Variants in BCAR1 observed in about 807,000 individuals in gnomAD.
BCAR1 encodes breast cancer anti-estrogen resistance protein 1.
BCAR1 carries 30 observed loss-of-function variants against 67.6 expected under a neutral mutation model. That is an observed-to-expected ratio of 0.44 (90% CI 0.33 to 0.60). The LOEUF (loss-of-function observed/expected upper bound fraction) is 0.60, where lower values mean the gene tolerates loss of function less well. Among genes scored for constraint, BCAR1 ranks in the 20% least tolerant of loss-of-function variants. The pLI, the probability that BCAR1 is intolerant of heterozygous loss-of-function variation, is 0.02. For missense variants in BCAR1, 1,313 were observed against 1,222.3 expected (o/e 1.07, Z -1.11); for synonymous variants, 626 against 556.7 (o/e 1.12, Z -1.75).
At chr16:75,262,694 T>C (rs1015432332) in intron 1 of BCAR1, among the ~76,000 whole-genome samples, 3 of 152,062 alleles carry the variant, frequency 2.0e-5, no homozygotes, top group African/African-American at 7.2e-5. Context: ...CACCACTGCC[T>C]GGCACAGAGC....
At chr16:75,250,985 G>A (rs1444061103) in intron 1 of BCAR1, 1 of 985,940 alleles carries the variant, frequency 1.0e-6, no homozygotes, top group Non-Finnish European at 1.2e-6. Flanking sequence ...AGCCTTCCCC[G>A]CTGGCGCCAC....
In BCAR1 at chr16:75,236,897, C is replaced by T. The variant is rs768418341; in HGVS notation, c.897G>A (p.Pro299=). ...VPPSVEKGLP[P]SNHHAVYDVP... ...ATTTGCTCACTGCGTGGTGGTTGGA[C>T]GGTGGCAGGCCCTTCTCCACACTGG... Residue 299 remains proline, a synonymous_variant, in exon 4 of 7, where the codon CCG becomes CCA. Coordinates refer to ENST00000162330, the MANE Select transcript of BCAR1 (RefSeq NM_014567.5). 52 of 1,612,462 alleles carry T rather than the reference C, an allele frequency of 3.2e-5. No individual in the cohort carries two copies. Among genetic ancestry groups the T allele is most frequent in the Middle Eastern group, 1.6e-4 (1 of 6,080 alleles).
At chr16:75,260,398 G>T (rs964665002) in intron 1 of BCAR1, among the ~76,000 whole-genome samples, 1 of 152,026 alleles carries the variant, frequency 6.6e-6, no homozygotes, top group African/African-American at 2.4e-5. Context: ...CAGCACTTCA[G>T]GAGGCGGAGG....
At chr16:75,232,975 G>A (rs2076952556) in intron 6 of BCAR1, among the ~76,000 whole-genome samples, 1 of 150,674 alleles carries the variant, frequency 6.6e-6, no homozygotes. Context: ...TCAGAATAAA[G>A]CTCCCTTAGT....
Position 75,257,942 on chromosome 16 carries a change from T to C in BCAR1, c.66+9973A>G, listed in dbSNP as rs560705022. Among the ~76,000 whole-genome samples, 28 of 152,326 alleles carry C rather than the reference T, an allele frequency of 1.8e-4. 1 individual carries two copies. Among genetic ancestry groups the C allele is most frequent in the African/African-American group, 6.3e-4 (26 of 41,576 alleles). ...AATGACTCCAACTCGCCGTGGGCCTTCAGCCAGTCACTGTACTGCTCAGGT... is the reference window on the plus strand; with the variant it reads ...AATGACTCCAACTCGCCGTGGGCCTCCAGCCAGTCACTGTACTGCTCAGGT... On this transcript the variant is annotated intron_variant, in intron 1 of 6. Transcript: ENST00000393422.
intron 2 of BCAR1, chr16:75,238,198 C>T (rs575755772): frequency 1.2e-5 from 14 of 1,213,536 alleles, no homozygotes; most frequent in African/African-American, 7.9e-5. Flanking sequence ...CAGCCTGAAG[C>T]GGGTAGGGGC....
upstream of BCAR1, chr16:75,252,516 A>G (rs1169211323): frequency 9.3e-6 from 10 of 1,077,766 alleles, no homozygotes; most frequent in Non-Finnish European, 1.3e-5. Context: ...CACCCCATGC[A>G]GCAGAACCAG....
At chr16:75,238,154 G>C in intron 2 of BCAR1, 1 of 1,279,512 alleles carries the variant, frequency 7.8e-7, no homozygotes, top group Non-Finnish European at 1.0e-6. Flanking sequence ...CAGCACAATG[G>C]CCTGCCCAGG....
chr16:75,266,781 TAG>T, intron 1 of BCAR1: 1 of 1,441,068 alleles, frequency 6.9e-7, no homozygotes, highest in South Asian at 1.4e-5. Context: ...GGTGAGCATC[TAG>T]AGCAAGTGGG....
intron 1 of BCAR1, chr16:75,265,958 G>T (rs1443965993): frequency 5.6e-6 from 6 of 1,075,594 alleles, no homozygotes; most frequent in Non-Finnish European, 6.7e-6. Flanking sequence ...TCCGGCTCCT[G>T]AGCGTTCCCG....
At chr16:75,258,674 GA>G (rs2077832488) in intron 1 of BCAR1, among the ~76,000 whole-genome samples, 1 of 152,180 alleles carries the variant, frequency 6.6e-6, no homozygotes, top group Non-Finnish European at 1.5e-5. Flanking sequence ...TCATTATGCA[GA>G]AAAAAATAAC....
chr16:75,262,287 G>A (rs1172475566), intron 1 of BCAR1, among the ~76,000 whole-genome samples: 1 of 152,242 alleles, frequency 6.6e-6, no homozygotes, highest in Admixed American at 6.5e-5. Context: ...CCAGGGGCAA[G>A]CTGCAGCCAG....
intron 1 of BCAR1, among the ~76,000 whole-genome samples, chr16:75,243,910 C>T (rs577286321): frequency 8.5e-5 from 13 of 152,328 alleles, no homozygotes; most frequent in South Asian, 6.2e-4. Flanking sequence ...AGGTGCCAGG[C>T]GCAGGATGGG....
upstream of BCAR1, chr16:75,252,298 T>G: frequency 6.5e-7 from 1 of 1,536,546 alleles, no homozygotes; most frequent in Non-Finnish European, 8.7e-7. Context: ...CTGCCTCCTC[T>G]CATTACTCAT....
intron 1 of BCAR1, chr16:75,263,465 G>A (rs1391628636): frequency 1.0e-6 from 1 of 985,178 alleles, no homozygotes; most frequent in Non-Finnish European, 1.2e-6. Flanking sequence ...TATGCCTGGA[G>A]CAGAGGAAGG....
At chr16:75,254,450 A>T (rs2077737181), upstream of BCAR1, among the ~76,000 whole-genome samples, 1 of 152,262 alleles carries the variant, frequency 6.6e-6, no homozygotes, top group Non-Finnish European at 1.5e-5. Context: ...ACTGGGTGGG[A>T]CCTCAGAGGT....
chr16:75,241,715 C>A (rs1405446099), intron 2 of BCAR1, among the ~76,000 whole-genome samples: 1 of 152,200 alleles, frequency 6.6e-6, no homozygotes, highest in Non-Finnish European at 1.5e-5. Context: ...GGGGTAACTC[C>A]CAGCTGACTC....
intron 2 of BCAR1, chr16:75,238,626 A>G: frequency 4.1e-6 from 4 of 986,306 alleles, no homozygotes; most frequent in Non-Finnish European, 4.8e-6. Flanking sequence ...TGGGCCCACT[A>G]GGTCTCCAGC....
At chr16:75,250,279 A>G (rs2077637529) in intron 1 of BCAR1, among the ~76,000 whole-genome samples, 1 of 151,512 alleles carries the variant, frequency 6.6e-6, no homozygotes, top group Admixed American at 6.6e-5. Flanking sequence ...TCTTTTCCCC[A>G]CAGCCCCGCC....
Sources: allele counts gnomAD v4.1 joint callset (sites outside exome capture counted in the v4.1 genomes callset), GRCh38; gene constraint gnomAD v4.1.1; transcripts MANE v1.5; gene names NCBI Gene and HGNC (gene_info 2026-07-23, HGNC 2026-07-21).